Variants in PRKN observed in about 807,000 individuals in gnomAD.
PRKN encodes the protein E3 ubiquitin-protein ligase parkin.
PRKN carries 56 observed loss-of-function variants against 59.5 expected under a neutral mutation model. That is an observed-to-expected ratio of 0.94 (90% CI 0.76 to 1.18). The LOEUF (loss-of-function observed/expected upper bound fraction) is 1.18, where lower values mean the gene tolerates loss of function less well. PRKN is among the 50% of genes most tolerant of loss of function. PRKN has a pLI of 0.00. For missense variants in PRKN, 657 were observed against 596.4 expected, an observed-to-expected ratio of 1.10 and a Z score of -1.06; for synonymous variants, 250 against 222.1, an observed-to-expected ratio of 1.13 and a Z score of -1.12.
intron 7 of PRKN, among the ~76,000 whole-genome samples, chr6:161,657,377 T>C (rs1312558256): frequency 6.6e-6 from 1 of 152,172 alleles, no homozygotes; most frequent in African/African-American, 2.4e-5. Context: ...TGCTCTTTTA[T>C]TTCAAATCTC....
At chr6:162,068,266 G>A (rs922879666) in intron 4 of PRKN, among the ~76,000 whole-genome samples, 2 of 151,948 alleles carry the variant, frequency 1.3e-5, no homozygotes, top group Non-Finnish European at 2.9e-5. Context: ...TTATCGACAG[G>A]TTTTTCCAGG....
chr6:162,715,195 ACC>A (rs1012254885), intron 1 of PRKN, among the ~76,000 whole-genome samples: 2 of 152,170 alleles, frequency 1.3e-5, no homozygotes, highest in Non-Finnish European at 2.9e-5. Flanking sequence ...GTGGGGCCCC[ACC>A]CCAAAGGTTA....
intron 4 of PRKN, among the ~76,000 whole-genome samples, chr6:162,104,140 G>A (rs950751883): frequency 3.9e-5 from 6 of 152,162 alleles, no homozygotes; most frequent in East Asian, 3.9e-4. Context: ...CAGTTTGTTT[G>A]TCTTGTGCCC....
intron 1 of PRKN, among the ~76,000 whole-genome samples, chr6:162,475,238 T>G (rs888513837): frequency 6.6e-6 from 1 of 152,206 alleles, no homozygotes; most frequent in African/African-American, 2.4e-5. Context: ...TCAAATGATC[T>G]TGGTCAACAA....
intron 1 of PRKN, among the ~76,000 whole-genome samples, chr6:162,496,193 C>T (rs1156811046): frequency 6.6e-6 from 1 of 151,420 alleles, no homozygotes; most frequent in Non-Finnish European, 1.5e-5. Context: ...GCCAAGATCA[C>T]ATAATTGCAT....
At chr6:162,283,778 C>T (rs1396496173) in intron 2 of PRKN, among the ~76,000 whole-genome samples, 4 of 152,132 alleles carry the variant, frequency 2.6e-5, no homozygotes, top group Admixed American at 2.6e-4. Flanking sequence ...ACCTCAGCTT[C>T]CCAAAGTGCT....
chr6:161,449,020 AC>A (rs1342819922), intron 9 of PRKN, among the ~76,000 whole-genome samples: 1 of 152,216 alleles, frequency 6.6e-6, no homozygotes, highest in Non-Finnish European at 1.5e-5. Context: ...TGGCTTACTT[AC>A]AGGTGTTATG....
At chr6:162,330,302 C>A (rs1783514418) in intron 2 of PRKN, among the ~76,000 whole-genome samples, 1 of 152,036 alleles carries the variant, frequency 6.6e-6, no homozygotes, top group South Asian at 2.1e-4. Flanking sequence ...ATGGTGGTAT[C>A]TTCTGAAACT....
intron 7 of PRKN, among the ~76,000 whole-genome samples, chr6:161,691,429 G>C (rs150653036): frequency 9.7e-4 from 147 of 152,324 alleles, no homozygotes; most frequent in African/African-American, 3.3e-3. Flanking sequence ...TTCTAAAATT[G>C]GGGATCAAGA....
At chr6:161,851,390 T>G in intron 6 of PRKN, among the ~76,000 whole-genome samples, 1 of 152,158 alleles carries the variant, frequency 6.6e-6, no homozygotes, top group East Asian at 1.9e-4. Flanking sequence ...TGGTATTCTA[T>G]TATAGCAGCA....
chr6:161,703,494 TG>T (rs2128179678), intron 7 of PRKN, among the ~76,000 whole-genome samples: 1 of 152,278 alleles, frequency 6.6e-6, no homozygotes, highest in South Asian at 2.1e-4. Context: ...CTGGCAAAGA[TG>T]CAGAGCACTA....
Position 162,038,042 on chromosome 6 carries a change from GA to G in PRKN, c.618+16048del, listed in dbSNP as rs890950727. 5.0e-5 allele frequency among the ~76,000 whole-genome samples: 7 copies of G among 140,474 alleles called. No individual in the cohort carries two copies. The East Asian group carries it at 6.1e-4, about 12-fold the overall frequency. The allele number at this position is 140,474 out of a possible 152,430, so 92.2% of individuals were successfully genotyped here. ...AATAATCATACTGGCACACAGTTCT[GA>G]AAAAAAAAATAGAAACCAATAATAA... On this transcript the variant is annotated intron_variant, in intron 5 of 11. Coordinates refer to ENST00000366898, the MANE Select transcript of PRKN (RefSeq NM_004562.3).
chr6:161,991,275 T>A (rs547228998), intron 5 of PRKN, among the ~76,000 whole-genome samples: 2 of 152,108 alleles, frequency 1.3e-5, no homozygotes, highest in African/African-American at 4.8e-5. Flanking sequence ...AAGGACAATA[T>A]GTACCATCAC....
intron 9 of PRKN, among the ~76,000 whole-genome samples, chr6:161,439,083 G>A (rs1215146981): frequency 1.3e-5 from 2 of 152,226 alleles, no homozygotes; most frequent in Admixed American, 6.5e-5. Flanking sequence ...TTCGAAAAGA[G>A]AAAGTAAGGT....
chr6:162,396,858 G>A (rs1469071814), intron 2 of PRKN, among the ~76,000 whole-genome samples: 2 of 152,060 alleles, frequency 1.3e-5, no homozygotes, highest in Non-Finnish European at 2.9e-5. Context: ...ACTGACTTCT[G>A]AGAAACCACA....
Position 161,593,908 on chromosome 6 carries a change from T to G in PRKN, c.872-24492A>C, listed in dbSNP as rs1201231018. ...GGCTCATGCCTGTAATCCCAGCACT[T>G]TGGGAGGCTGAGGTGGGCAGATCAC... On this transcript the variant is annotated intron_variant, in intron 7 of 11. Coordinates refer to ENST00000366898, the MANE Select transcript of PRKN (RefSeq NM_004562.3). The surrounding 1 kb of genome is among the most constrained non-coding windows in gnomAD (Gnocchi z 4.8). 6.6e-6 allele frequency among the ~76,000 whole-genome samples: 1 copy of G among 151,560 alleles called. No individual in the cohort carries two copies. Among genetic ancestry groups the G allele is most frequent in the African/African-American group, 2.4e-5 (1 of 41,230 alleles).
At chr6:162,277,847 A>G (rs1483145124) in intron 2 of PRKN, among the ~76,000 whole-genome samples, 1 of 152,214 alleles carries the variant, frequency 6.6e-6, no homozygotes, top group Non-Finnish European at 1.5e-5. Context: ...CGGTATAGTC[A>G]CTTTGGAAAT....
rs190832678 is a variant in PRKN at position 161,617,175 on chromosome 6, T to C, written c.872-47759A>G. Among the ~76,000 whole-genome samples, 248 of 152,366 alleles carry C rather than the reference T, an allele frequency of 1.6e-3. 8 individuals are homozygous for C. Among genetic ancestry groups the C allele is most frequent in the Admixed American group, 0.015 (224 of 15,308 alleles). ...CAATGACCAGTGATGATGAGCTTTT[T>C]TTCATATGCTTGTTGGCCGCGTAAA... On this transcript the variant is annotated intron_variant, in intron 7 of 11. Coordinates refer to ENST00000366898, the MANE Select transcript of PRKN (RefSeq NM_004562.3).
At chr6:162,032,118 G>A (rs914549569) in intron 5 of PRKN, among the ~76,000 whole-genome samples, 9 of 152,054 alleles carry the variant, frequency 5.9e-5, no homozygotes, top group African/African-American at 1.9e-4. Flanking sequence ...AGCTTTAGCC[G>A]ACAGCACAAG....
Sources: allele counts gnomAD v4.1 joint callset (sites outside exome capture counted in the v4.1 genomes callset), GRCh38; gene constraint gnomAD v4.1.1; non-coding constraint Gnocchi (gnomAD v3.1); transcripts MANE v1.5; gene names NCBI Gene and HGNC (gene_info 2026-07-23, HGNC 2026-07-21).